Variants in MEGF11 observed in about 807,000 individuals in gnomAD.
MEGF11 encodes the protein multiple EGF like domains 11.
MEGF11 carries 126 observed loss-of-function variants against 146.6 expected under a neutral mutation model. That is an observed-to-expected ratio of 0.86 (90% CI 0.74 to 1.00). MEGF11 has a LOEUF of 1.00. Ranked by LOEUF, MEGF11 falls within the 50% of genes least tolerant of loss-of-function variation. The probability of loss-of-function intolerance (pLI) is 0.00; values close to 1 mark genes in which losing one functional copy is unlikely to be tolerated. For synonymous variants in MEGF11, 532 were observed against 583.4 expected, an observed-to-expected ratio of 0.91 and a Z score of 1.27; for missense variants, 1,509 against 1,521.2, an observed-to-expected ratio of 0.99 and a Z score of 0.13.
intron 1 of MEGF11, among the ~76,000 whole-genome samples, chr15:66,216,989 C>G (rs75342967): frequency 0.042 from 6,436 of 152,342 alleles, 190 homozygotes; most frequent in Middle Eastern, 0.099. Flanking sequence ...TCCAGAGCAC[C>G]CCATGGGACT....
chr15:66,134,590 A>C (rs570799443), intron 1 of MEGF11, among the ~76,000 whole-genome samples: 11 of 152,342 alleles, frequency 7.2e-5, no homozygotes, highest in African/African-American at 2.6e-4. Flanking sequence ...TGACATCCAC[A>C]AAACCTCTGA....
At chr15:66,053,058 GGATA>G (rs1354341120) in intron 5 of MEGF11, among the ~76,000 whole-genome samples, 2 of 152,076 alleles carry the variant, frequency 1.3e-5, no homozygotes, top group East Asian at 3.9e-4. Flanking sequence ...GTACATGGAT[GGATA>G]GATGGATGGA....
At chr15:65,949,119 G>C (rs943152852) in intron 10 of MEGF11, among the ~76,000 whole-genome samples, 7 of 152,176 alleles carry the variant, frequency 4.6e-5, no homozygotes, top group Non-Finnish European at 1.0e-4. Flanking sequence ...TCACCTGGCT[G>C]TCATTTTCAG....
rs138263972 is a variant in MEGF11, at chr15:65,898,776, T to C, written c.3214A>G (p.Thr1072Ala). Residue 1072 changes from threonine (T) to alanine (A), a missense_variant, in exon 25 of 26, where the codon ACA becomes GCA. Transcript: ENST00000395614. ...GATGTCGACAAGGATGGCACATCTG[T>C]GTACGGAGACCCCATGTGCACAGGC... ...KSPVHMGSPY[T>A]DVPSLSTSNK... 14 of 1,613,876 alleles carry C rather than the reference T, an allele frequency of 8.7e-6. No homozygotes were observed. Among genetic ancestry groups the C allele is most frequent in the African/African-American group, 1.3e-5 (1 of 74,932 alleles).
At chr15:66,244,083 A>G (rs1476612108) in intron 1 of MEGF11, among the ~76,000 whole-genome samples, 3 of 152,164 alleles carry the variant, frequency 2.0e-5, no homozygotes, top group Non-Finnish European at 4.4e-5. Context: ...AACCTGCTCT[A>G]CAAAGTTGTT....
At chr15:66,116,634 A>G (rs949711117) in intron 4 of MEGF11, among the ~76,000 whole-genome samples, 3 of 152,214 alleles carry the variant, frequency 2.0e-5, no homozygotes, top group South Asian at 2.1e-4. Flanking sequence ...CATGAACCCA[A>G]TGAACCCATG....
At chr15:65,925,674 A>G (rs1201440450) in intron 13 of MEGF11, among the ~76,000 whole-genome samples, 1 of 151,306 alleles carries the variant, frequency 6.6e-6, no homozygotes, top group East Asian at 1.9e-4. Flanking sequence ...ACTCTAGGGA[A>G]CCCCCTTGCT....
At chr15:66,220,903 T>C (rs2091719448) in intron 1 of MEGF11, among the ~76,000 whole-genome samples, 1 of 152,056 alleles carries the variant, frequency 6.6e-6, no homozygotes, top group Non-Finnish European at 1.5e-5. Flanking sequence ...AATTAATGCA[T>C]ATGACAAAAT....
At chr15:66,093,605 C>T (rs540172209) in intron 5 of MEGF11, among the ~76,000 whole-genome samples, 1 of 152,336 alleles carries the variant, frequency 6.6e-6, no homozygotes, top group South Asian at 2.1e-4. Flanking sequence ...TCAAACAAGA[C>T]CATGATATTA....
intron 7 of MEGF11, among the ~76,000 whole-genome samples, chr15:65,973,122 A>C (rs967174786): frequency 1.3e-5 from 2 of 151,778 alleles, no homozygotes; most frequent in Non-Finnish European, 2.9e-5. Context: ...TGTCTCAAAA[A>C]AAAAAAAAAA....
chr15:66,137,357 A>T (rs1040526883), intron 1 of MEGF11, among the ~76,000 whole-genome samples: 2 of 152,246 alleles, frequency 1.3e-5, no homozygotes, highest in African/African-American at 4.8e-5. Context: ...ACGTGGGAAG[A>T]TGACCCTAAA....
intron 1 of MEGF11, among the ~76,000 whole-genome samples, chr15:66,171,297 G>A (rs1038805261): frequency 6.6e-6 from 1 of 152,212 alleles, no homozygotes; most frequent in African/African-American, 2.4e-5. Flanking sequence ...AAAAGACAGA[G>A]AATCGGGGAA....
intron 1 of MEGF11, among the ~76,000 whole-genome samples, chr15:66,219,245 A>G (rs1367938806): frequency 6.6e-6 from 1 of 152,236 alleles, no homozygotes; most frequent in Non-Finnish European, 1.5e-5. Flanking sequence ...GCTCTGCAAA[A>G]GACACTGTGA....
chr15:66,169,455 T>TTCTCTC (rs376611043), intron 1 of MEGF11, among the ~76,000 whole-genome samples: 1 of 151,284 alleles, frequency 6.6e-6, no homozygotes, highest in African/African-American at 2.4e-5. Context: ...CAGAGTCAGT[T>TTCTCTC]TCTCTCTCTC....
chr15:65,987,426 G>A (rs1182114663), intron 5 of MEGF11, among the ~76,000 whole-genome samples: 1 of 152,068 alleles, frequency 6.6e-6, no homozygotes, highest in Non-Finnish European at 1.5e-5. Context: ...GGTTTTCCAC[G>A]ACTGGCCCTA....
chr15:65,966,081 C>T (rs1340581593), intron 8 of MEGF11, among the ~76,000 whole-genome samples: 6 of 152,092 alleles, frequency 3.9e-5, no homozygotes, highest in Admixed American at 6.5e-5. Flanking sequence ...CTGCAACCTC[C>T]GCCTCCCAGG....
At chr15:65,898,260 A>G in intron 25 of MEGF11, 166 bp from the exon 26 acceptor site, 8 of 985,424 alleles carry the variant, frequency 8.1e-6, no homozygotes, top group Non-Finnish European at 9.6e-6. Flanking sequence ...ATGGAAAACT[A>G]AGTGAATGTG....
At position 65,918,076 on chromosome 15, in the gene MEGF11, A is replaced by G; in HGVS notation, c.1976T>C (p.Phe659Ser). The change falls in exon 16 of 26, where the codon TTT becomes TCT. Residue 659 changes from phenylalanine to serine, a missense_variant. Transcript: ENST00000395614. ...GCAGAGCTGGGCACAGTCCTGCCCAAAGTATCCTCCAGCACACACTGTGGG... is the reference window on the plus strand; with the variant it reads ...GCAGAGCTGGGCACAGTCCTGCCCAGAGTATCCTCCAGCACACACTGTGGG... ...LCNQVCAGGY[F>S]GQDCAQLCSC... 6.2e-7 allele frequency: 1 copy of G among 1,613,906 alleles called. No homozygotes were observed. Among genetic ancestry groups the G allele is most frequent in the Admixed American group, 1.7e-5 (1 of 60,018 alleles).
intron 21 of MEGF11, among the ~76,000 whole-genome samples, chr15:65,910,265 G>A (rs1455857736): frequency 6.6e-6 from 1 of 152,086 alleles, no homozygotes; most frequent in African/African-American, 2.4e-5. Flanking sequence ...CTTTTCCTGC[G>A]ACCAAAGGAA....
Sources: gnomAD v4.1 joint callset for allele counts (sites outside exome capture counted in the v4.1 genomes callset) on GRCh38, gnomAD v4.1.1 for gene constraint, MANE v1.5 for transcripts, NCBI Gene and HGNC (gene_info 2026-07-23, HGNC 2026-07-21) for gene names.